TAMM41: variants seen among roughly 807,000 people sequenced by gnomAD.
TAMM41 encodes phosphatidate cytidylyltransferase, mitochondrial.
TAMM41 carries 36 observed loss-of-function variants against 44.1 expected under a neutral mutation model. The observed-to-expected ratio is 0.82, with a 90% CI of 0.63 to 1.08. TAMM41 has a LOEUF of 1.08. Among genes scored for constraint, TAMM41 ranks in the 50% least tolerant of loss-of-function variants. TAMM41 has a pLI of 0.00. For synonymous variants in TAMM41, 164 were observed against 153.1 expected, an observed-to-expected ratio of 1.07 and a Z score of -0.53; for missense variants, 417 against 404.3, an observed-to-expected ratio of 1.03 and a Z score of -0.27.
chr3:11,792,917 C>G (rs1299807452), intron 7 of TAMM41, among the ~76,000 whole-genome samples: 1 of 151,898 alleles, frequency 6.6e-6, no homozygotes, highest in Non-Finnish European at 1.5e-5. Context: ...AAAAATTAGC[C>G]AGGCGTGGTG....
At chr3:11,752,625 C>CTTTTTTTT in the TAMM41 span, among the ~76,000 whole-genome samples, 99 of 39,954 alleles carry the variant, frequency 2.5e-3, 20 homozygotes, top group African/African-American at 5.9e-3. Context: ...TCTTACAAAG[C>CTTTTTTTT]TTTTTTTTTT....
At chr3:11,806,713 T>C (rs1198763777) in intron 7 of TAMM41, among the ~76,000 whole-genome samples, 1 of 152,188 alleles carries the variant, frequency 6.6e-6, no homozygotes, top group African/African-American at 2.4e-5. Context: ...TATATGCTTA[T>C]ATTCTGAGTT....
At chr3:11,791,295 C>T (rs919181740) in intron 7 of TAMM41, among the ~76,000 whole-genome samples, 2 of 152,292 alleles carry the variant, frequency 1.3e-5, no homozygotes, top group African/African-American at 2.4e-5. Flanking sequence ...GTGCCTCATT[C>T]GGAGAGCTGG....
the TAMM41 span, among the ~76,000 whole-genome samples, chr3:11,754,575 C>T: frequency 9.9e-5 from 15 of 151,870 alleles, no homozygotes; most frequent in Admixed American, 2.6e-4. Context: ...CTTTATGTTG[C>T]CCAGGTTGGT....
chr3:11,825,706 T>C (rs965576389), intron 4 of TAMM41, among the ~76,000 whole-genome samples: 7 of 152,118 alleles, frequency 4.6e-5, no homozygotes, highest in South Asian at 2.1e-4. Flanking sequence ...CCCGAAAGTG[T>C]TTTTCATTCC....
chr3:11,800,529 C>T (rs2077721553), intron 7 of TAMM41, among the ~76,000 whole-genome samples: 1 of 131,802 alleles, frequency 7.6e-6, no homozygotes, highest in Admixed American at 8.3e-5. Context: ...ATAAAACAGA[C>T]TCTAAATCAA....
chr3:11,740,589 C>CTT, the TAMM41 span, among the ~76,000 whole-genome samples: 3 of 148,820 alleles, frequency 2.0e-5, no homozygotes, highest in Non-Finnish European at 4.5e-5. Flanking sequence ...ATTTCTTTTT[C>CTT]TTTTTTTTTT....
the TAMM41 span, among the ~76,000 whole-genome samples, chr3:11,737,314 TATTATTATTATC>T: frequency 1.0e-5 from 1 of 99,930 alleles, no homozygotes; most frequent in African/African-American, 4.1e-5. Context: ...TTATTATTAT[TATTATTATTATC>T]ATTATTATTT....
the TAMM41 span, among the ~76,000 whole-genome samples, chr3:11,775,617 T>C: frequency 1.3e-5 from 2 of 152,390 alleles, no homozygotes; most frequent in South Asian, 4.1e-4. Context: ...TAATGTGAGC[T>C]GGGTGTGACC....
intron 3 of TAMM41, among the ~76,000 whole-genome samples, chr3:11,835,603 G>A (rs899037129): frequency 3.9e-5 from 6 of 152,202 alleles, no homozygotes; most frequent in African/African-American, 9.6e-5. Context: ...CTTACATTCT[G>A]AGATTTCATG....
At chr3:11,831,978 T>C (rs2079000300) in intron 3 of TAMM41, among the ~76,000 whole-genome samples, 1 of 152,136 alleles carries the variant, frequency 6.6e-6, no homozygotes, top group Admixed American at 6.5e-5. Context: ...GAGTAACCCA[T>C]GACCAGCCAG....
At chr3:11,758,317 A>C in the TAMM41 span, among the ~76,000 whole-genome samples, 1 of 152,036 alleles carries the variant, frequency 6.6e-6, no homozygotes, top group South Asian at 2.1e-4. Context: ...GTTGGGAGCA[A>C]CATGATCCGA....
the TAMM41 span, among the ~76,000 whole-genome samples, chr3:11,780,883 A>C: frequency 2.0e-5 from 3 of 152,206 alleles, no homozygotes; most frequent in African/African-American, 7.2e-5. Flanking sequence ...ACTTGACTAA[A>C]TCAGTGAATG....
At chr3:11,738,003 A>G in the TAMM41 span, among the ~76,000 whole-genome samples, 1 of 152,320 alleles carries the variant, frequency 6.6e-6, no homozygotes, top group African/African-American at 2.4e-5. Flanking sequence ...CTCTTATGTC[A>G]TTTAGCTAGG....
chr3:11,734,721 GA>G, the TAMM41 span, among the ~76,000 whole-genome samples: 264 of 152,148 alleles, frequency 1.7e-3, 1 homozygote, highest in African/African-American at 6.2e-3. Context: ...AGTAGGAAAA[GA>G]CAGATAATAA....
chr3:11,748,142 T>G, the TAMM41 span, among the ~76,000 whole-genome samples: 3 of 152,066 alleles, frequency 2.0e-5, no homozygotes, highest in Non-Finnish European at 4.4e-5. Flanking sequence ...CCCAAAGTGT[T>G]GGGATTACAG....
intron 3 of TAMM41, chr3:11,830,759 T>C (rs1435481855): frequency 6.6e-6 from 1 of 151,944 alleles, no homozygotes; most frequent in Non-Finnish European, 1.5e-5. Context: ...TGGTCCCAGA[T>C]ACTCAGGAGG....
intron 7 of TAMM41, among the ~76,000 whole-genome samples, chr3:11,792,538 A>C (rs1015314129): frequency 5.9e-5 from 9 of 152,220 alleles, no homozygotes; most frequent in African/African-American, 2.2e-4. Context: ...AGTTCTAGTC[A>C]GATTTTCACA....
Position 11,846,839 on chromosome 3 carries a change from C to G in TAMM41, c.-203G>C. On this transcript the variant is annotated 5_prime_UTR_variant, in exon 1 of 8. Transcript: ENST00000455809. Reference sequence around the variant, plus strand: ...GAAGAGCAGCGGCGAGAAGACGCAGCCCAGATAGGCTCGGGTGGGCGGCGG... The same window carrying G: ...GAAGAGCAGCGGCGAGAAGACGCAGGCCAGATAGGCTCGGGTGGGCGGCGG... The G allele has an allele frequency of 1.6e-6, 1 of 632,870 alleles. No individual in the cohort carries two copies. Among genetic ancestry groups the G allele is most frequent in the Non-Finnish European group, 2.7e-6 (1 of 372,314 alleles). The allele number at this position is 632,870 out of a possible 1,614,324, so 39.2% of individuals were successfully genotyped here. A position where few individuals can be genotyped will look rare whatever the true frequency, so the allele number is the denominator to read the frequency against.
Sources: allele counts gnomAD v4.1 joint callset (sites outside exome capture counted in the v4.1 genomes callset), GRCh38; gene constraint gnomAD v4.1.1; transcripts MANE v1.5; gene names NCBI Gene and HGNC (gene_info 2026-07-23, HGNC 2026-07-21).